SIK3: variants seen among roughly 807,000 people sequenced by gnomAD.
SIK3 encodes serine/threonine-protein kinase SIK3.
A neutral mutation model predicts 144.2 loss-of-function variants in SIK3; 28 were observed. The ratio of observed to expected loss-of-function variants is 0.19; its 90% CI spans 0.14 to 0.27. The LOEUF is 0.27. Ranked by LOEUF, SIK3 falls within the 10% of genes least tolerant of loss-of-function variation. The pLI, the probability that SIK3 is intolerant of heterozygous loss-of-function variation, is 1.00. For synonymous variants in SIK3, 686 were observed against 676.3 expected (o/e 1.01, Z -0.22); for missense variants, 1,319 against 1,776.0 (o/e 0.74, Z 4.62).
chr11:116,981,732 G>A (rs1050106232), intron 1 of SIK3, among the ~76,000 whole-genome samples: 3 of 152,090 alleles, frequency 2.0e-5, no homozygotes, highest in Admixed American at 2.0e-4. Flanking sequence ...GTGTGTTTTC[G>A]CCAGGCGTGG....
intron 19 of SIK3, among the ~76,000 whole-genome samples, chr11:116,860,043 G>C (rs1049052281): frequency 2.0e-5 from 3 of 152,098 alleles, no homozygotes; most frequent in African/African-American, 7.2e-5. Flanking sequence ...TCAGGAGTTC[G>C]AGACCAGCCT....
chr11:117,034,797 C>T (rs542689009), intron 1 of SIK3, among the ~76,000 whole-genome samples: 1 of 152,228 alleles, frequency 6.6e-6, no homozygotes, highest in Admixed American at 6.5e-5. Context: ...TGAATCTGTT[C>T]GCTACCCAAA....
chr11:116,886,156 G>A (rs989635274), intron 6 of SIK3, among the ~76,000 whole-genome samples: 13 of 152,220 alleles, frequency 8.5e-5, no homozygotes, highest in African/African-American at 2.4e-4. Context: ...GAATGAACAC[G>A]GCTGGCCTGT....
intron 1 of SIK3, among the ~76,000 whole-genome samples, chr11:117,053,384 A>T (rs561396172): frequency 4.2e-4 from 64 of 152,062 alleles, no homozygotes; most frequent in Non-Finnish European, 8.2e-4. Flanking sequence ...ATAGGTAAGT[A>T]TGTAAGAAAT....
At chr11:116,936,746 G>A (rs1314799713) in intron 3 of SIK3, among the ~76,000 whole-genome samples, 1 of 152,124 alleles carries the variant, frequency 6.6e-6, no homozygotes, top group East Asian at 1.9e-4. Flanking sequence ...CTTTGGTCGT[G>A]TCATTCATTT....
chr11:116,988,111 G>C (rs185472804), intron 1 of SIK3, among the ~76,000 whole-genome samples: 1 of 152,278 alleles, frequency 6.6e-6, no homozygotes, highest in Admixed American at 6.5e-5. Flanking sequence ...AGAGATCCTG[G>C]TGCAGAAAAA....
chr11:117,071,172 T>C (rs1000864759), intron 1 of SIK3, among the ~76,000 whole-genome samples: 1 of 146,158 alleles, frequency 6.8e-6, no homozygotes, highest in Non-Finnish European at 1.5e-5. Context: ...ATCAAAACCT[T>C]TGGGCTCAGT....
chr11:116,923,362 TG>T (rs976336285), intron 4 of SIK3, among the ~76,000 whole-genome samples: 3 of 152,236 alleles, frequency 2.0e-5, no homozygotes, highest in Non-Finnish European at 2.9e-5. Flanking sequence ...AAGTTACTTT[TG>T]GCTTTTAGAA....
intron 4 of SIK3, among the ~76,000 whole-genome samples, chr11:116,912,427 T>C (rs1263875882): frequency 2.0e-5 from 3 of 152,232 alleles, no homozygotes; most frequent in African/African-American, 7.2e-5. Flanking sequence ...TTATTTGGTC[T>C]ACCACTTTAG....
chr11:116,875,606 T>G, intron 9 of SIK3, 155 bp from the exon 10 acceptor site: 3 of 851,260 alleles, frequency 3.5e-6, no homozygotes, highest in Non-Finnish European at 5.3e-6. Context: ...GGAAGCATCC[T>G]GTGAAGAGGA....
At chr11:116,955,354 T>C (rs960757484) in intron 2 of SIK3, among the ~76,000 whole-genome samples, 1 of 152,168 alleles carries the variant, frequency 6.6e-6, no homozygotes, top group African/African-American at 2.4e-5. Context: ...GCAGAGATCA[T>C]GCCACTGCAC....
chr11:117,027,400 C>A (rs577449632), intron 1 of SIK3, among the ~76,000 whole-genome samples: 1 of 151,954 alleles, frequency 6.6e-6, no homozygotes, highest in Non-Finnish European at 1.5e-5. Flanking sequence ...ATAAGCATCA[C>A]AAACAACTTT....
intron 3 of SIK3, among the ~76,000 whole-genome samples, chr11:116,950,473 C>T (rs572318066): frequency 1.6e-4 from 24 of 152,172 alleles, no homozygotes; most frequent in African/African-American, 5.5e-4. Context: ...AGCCAATTTC[C>T]CAAACAGCCC....
At position 116,849,405 on chromosome 11, in the gene SIK3, C is replaced by T. The variant is rs1383870449; in HGVS notation, c.3656-122G>A. The T allele has an allele frequency of 5.1e-6, 6 of 1,174,082 alleles. No individual in the cohort carries two copies. Among genetic ancestry groups the T allele is most frequent in the Non-Finnish European group, 6.0e-6 (5 of 832,114 alleles). The allele number at this position is 1,174,082 out of a possible 1,614,324, so 72.7% of individuals were successfully genotyped here. ...GGCTGAGGAGATCATGTACACCAAC[C>T]GCTGATCCTCAGCCGGCGTCATGGC... On this transcript the variant is annotated intron_variant, in intron 21 of 24. Coordinates refer to ENST00000445177, the MANE Select transcript of SIK3 (RefSeq NM_001366686.3). This position sits in a 1 kb window ranked among gnomAD's most constrained non-coding sequence, Gnocchi z 4.2.
chr11:116,925,716 A>T (rs1470454301), intron 4 of SIK3, among the ~76,000 whole-genome samples: 1 of 152,266 alleles, frequency 6.6e-6, no homozygotes, highest in African/African-American at 2.4e-5. Context: ...TACAACAAAT[A>T]ATTACAAAAG....
At chr11:116,969,752 C>G (rs532117531) in intron 1 of SIK3, among the ~76,000 whole-genome samples, 2 of 152,260 alleles carry the variant, frequency 1.3e-5, no homozygotes, top group South Asian at 4.1e-4. Flanking sequence ...TAAACCCTAA[C>G]ACATAAGACA....
intron 1 of SIK3, among the ~76,000 whole-genome samples, chr11:117,070,824 C>T (rs9971421): frequency 0.079 from 11,615 of 146,336 alleles, 583 homozygotes; most frequent in African/African-American, 0.13. Flanking sequence ...GCGATCTCAG[C>T]TCACCACAAC....
chr11:117,051,938 T>C (rs543662170), intron 1 of SIK3, among the ~76,000 whole-genome samples: 107 of 151,774 alleles, frequency 7.0e-4, no homozygotes, highest in African/African-American at 2.5e-3. Flanking sequence ...GGTCAGGAGT[T>C]TGAGATCAGC....
At chr11:117,088,552 T>C (rs1445711466) in intron 1 of SIK3, among the ~76,000 whole-genome samples, 1 of 152,120 alleles carries the variant, frequency 6.6e-6, no homozygotes, top group Non-Finnish European at 1.5e-5. Flanking sequence ...TCTGCAGACA[T>C]TGCACGAAAC....
Sources: allele counts gnomAD v4.1 joint callset (sites outside exome capture counted in the v4.1 genomes callset), GRCh38; gene constraint gnomAD v4.1.1; non-coding constraint Gnocchi (gnomAD v3.1); transcripts MANE v1.5; gene names NCBI Gene and HGNC (gene_info 2026-07-23, HGNC 2026-07-21).